Variants in FARS2 observed in about 807,000 individuals in gnomAD.
FARS2 encodes phenylalanyl-tRNA synthetase 2, mitochondrial.
A neutral mutation model predicts 46.4 loss-of-function variants in FARS2; 40 were observed. That is an observed-to-expected ratio of 0.86 (90% CI 0.67 to 1.12). The LOEUF is 1.12. Among genes scored for constraint, FARS2 ranks in the 50% most tolerant of loss-of-function variants. FARS2 has a pLI of 0.00. For missense variants in FARS2, 513 were observed against 567.9 expected (o/e 0.90, Z 0.98); for synonymous variants, 234 against 214.9 (o/e 1.09, Z -0.78).
At chr6:5,399,439 G>A (rs1761121796) in intron 2 of FARS2, among the ~76,000 whole-genome samples, 1 of 152,110 alleles carries the variant, frequency 6.6e-6, no homozygotes, top group Non-Finnish European at 1.5e-5. Flanking sequence ...GCCTCCCAAA[G>A]TGCTGGGATT....
chr6:5,468,984 C>T (rs1411137209), intron 4 of FARS2, among the ~76,000 whole-genome samples: 2 of 152,098 alleles, frequency 1.3e-5, no homozygotes, highest in Non-Finnish European at 2.9e-5. Flanking sequence ...TGTTATGTGA[C>T]GGGTAAATTT....
At chr6:5,380,976 T>TTATC (rs1360107158) in intron 2 of FARS2, among the ~76,000 whole-genome samples, 203 of 129,214 alleles carry the variant, frequency 1.6e-3, no homozygotes, top group African/African-American at 5.5e-3. Context: ...TAGCAATTAT[T>TTATC]TATTTATTTA....
At chr6:5,356,486 ATAGAT>A (rs1464226046) in intron 1 of FARS2, among the ~76,000 whole-genome samples, 1 of 152,156 alleles carries the variant, frequency 6.6e-6, no homozygotes, top group Non-Finnish European at 1.5e-5. Context: ...GATAGATTAG[ATAGAT>A]TAGACAGATA....
chr6:5,369,011 T>A lies in FARS2; in HGVS notation c.441T>A (p.Asn147Lys), dbSNP rs1758861816. The A allele has an allele frequency of 1.2e-6, 2 of 1,614,024 alleles. No individual in the cohort carries two copies. Among genetic ancestry groups the A allele is most frequent in the African/African-American group, 2.7e-5 (2 of 74,908 alleles). ...AGAAGGGGGACAACTATTACCTGAA[T>A]CGGACTCACATGCTGAGAGCGCACA... is the stretch of plus-strand genomic sequence containing the variant. ...SRKKGDNYYL[N>K]RTHMLRAHTS... is the part of the protein sequence containing the mutation. The change falls in exon 2 of 7, where the codon AAT (asparagine) becomes AAA (lysine). Residue 147 changes from asparagine (N) to lysine (K), a missense_variant. By Grantham distance (94) the Asn-to-Lys change is moderately conservative. Coordinates refer to ENST00000274680, the MANE Select transcript of FARS2 (RefSeq NM_006567.5).
intron 1 of FARS2, among the ~76,000 whole-genome samples, chr6:5,319,171 C>T (rs1581771520): frequency 6.6e-6 from 1 of 152,070 alleles, no homozygotes; most frequent in African/African-American, 2.4e-5. Flanking sequence ...GTTATACTGT[C>T]TCTCTAAAAT....
At chr6:5,267,953 GTGA>G (rs1351765810) in intron 1 of FARS2, among the ~76,000 whole-genome samples, 1 of 151,912 alleles carries the variant, frequency 6.6e-6, no homozygotes, top group Non-Finnish European at 1.5e-5. Context: ...CTGATGGCCA[GTGA>G]TGATGAGCAT....
intron 6 of FARS2, among the ~76,000 whole-genome samples, chr6:5,672,992 C>G (rs1778558129): frequency 6.6e-6 from 1 of 152,140 alleles, no homozygotes; most frequent in African/African-American, 2.4e-5. Context: ...TTAACATAAC[C>G]AAAGACCTTT....
At chr6:5,370,979 A>G (rs1378490373) in intron 2 of FARS2, among the ~76,000 whole-genome samples, 1 of 152,202 alleles carries the variant, frequency 6.6e-6, no homozygotes, top group African/African-American at 2.4e-5. Flanking sequence ...TTTTGACTTC[A>G]GCCATGAGGA....
chr6:5,768,628 T>A (rs1344881469), intron 6 of FARS2, among the ~76,000 whole-genome samples: 2 of 152,236 alleles, frequency 1.3e-5, no homozygotes, highest in East Asian at 3.8e-4. Flanking sequence ...CTCCATATCT[T>A]CTCCAATACT....
chr6:5,732,973 G>A (rs567075237), intron 6 of FARS2, among the ~76,000 whole-genome samples: 7 of 152,202 alleles, frequency 4.6e-5, no homozygotes, highest in East Asian at 3.9e-4. Context: ...CCAAGCCCCC[G>A]GCTAGGTGGT....
chr6:5,423,208 G>C (rs920882680), intron 3 of FARS2, among the ~76,000 whole-genome samples: 2 of 152,006 alleles, frequency 1.3e-5, no homozygotes, highest in African/African-American at 2.4e-5. Context: ...AGGACCAAAG[G>C]GCTGTGCTGT....
intron 1 of FARS2, among the ~76,000 whole-genome samples, chr6:5,306,892 A>G (rs1768742499): frequency 6.6e-6 from 1 of 152,070 alleles, no homozygotes; most frequent in Admixed American, 6.5e-5. Flanking sequence ...CTTGGTTTTG[A>G]AAGGATTAAC....
At chr6:5,504,002 A>T (rs745916393) in intron 4 of FARS2, among the ~76,000 whole-genome samples, 2 of 152,222 alleles carry the variant, frequency 1.3e-5, no homozygotes, top group Non-Finnish European at 2.9e-5. Context: ...GAAATTCAGC[A>T]TAGGCAGGTT....
At chr6:5,578,871 A>G (rs1370722128) in intron 5 of FARS2, among the ~76,000 whole-genome samples, 4 of 151,832 alleles carry the variant, frequency 2.6e-5, no homozygotes, top group Admixed American at 1.3e-4. Context: ...CGTGAGCTCT[A>G]GAGCCAGACT....
chr6:5,579,755 T>C (rs1773218393), intron 5 of FARS2, among the ~76,000 whole-genome samples: 1 of 152,236 alleles, frequency 6.6e-6, no homozygotes. Context: ...GATTTCTCTA[T>C]GGTTATTTCT....
chr6:5,331,222 T>C (rs946131751), intron 1 of FARS2, among the ~76,000 whole-genome samples: 1 of 152,228 alleles, frequency 6.6e-6, no homozygotes, highest in Non-Finnish European at 1.5e-5. Flanking sequence ...TTCTCTTTTA[T>C]TTTGCTTGGC....
chr6:5,269,777 G>T (rs1440473851), intron 1 of FARS2, among the ~76,000 whole-genome samples: 1 of 152,198 alleles, frequency 6.6e-6, no homozygotes. Context: ...TCTCTCAGAG[G>T]ATGGGTCGAT....
At chr6:5,633,510 C>A (rs979326352) in intron 6 of FARS2, among the ~76,000 whole-genome samples, 2 of 151,970 alleles carry the variant, frequency 1.3e-5, no homozygotes, top group East Asian at 1.9e-4. Context: ...TCAGGTGATG[C>A]ACCCACTTCA....
chr6:5,250,292 T>C, the FARS2 span, among the ~76,000 whole-genome samples: 11 of 152,158 alleles, frequency 7.2e-5, no homozygotes, highest in African/African-American at 2.7e-4. Context: ...TTAGAAACTC[T>C]TGTAAACTAC....
Sources: allele counts gnomAD v4.1 joint callset (sites outside exome capture counted in the v4.1 genomes callset), GRCh38; gene constraint gnomAD v4.1.1; transcripts MANE v1.5; gene names NCBI Gene and HGNC (gene_info 2026-07-23, HGNC 2026-07-21).